Variants in ATF7IP observed in about 807,000 individuals in gnomAD.
ATF7IP encodes the protein activating transcription factor 7-interacting protein 1.
A neutral mutation model predicts 106.4 loss-of-function variants in ATF7IP; 23 were observed. The ratio of observed to expected loss-of-function variants is 0.22; its 90% CI spans 0.16 to 0.31. The LOEUF is 0.31. Among genes scored for constraint, ATF7IP ranks in the 10% least tolerant of loss-of-function variants. The pLI, the probability that ATF7IP is intolerant of heterozygous loss-of-function variation, is 1.00. For missense variants in ATF7IP, 1,334 were observed against 1,524.3 expected (o/e 0.88, Z 2.08); for synonymous variants, 542 against 539.0 (o/e 1.01, Z -0.08).
At chr12:14,421,675 G>C (rs1476099377) in intron 1 of ATF7IP, among the ~76,000 whole-genome samples, 2 of 152,126 alleles carry the variant, frequency 1.3e-5, no homozygotes, top group Non-Finnish European at 2.9e-5. Context: ...ACATTCTGAG[G>C]TACTGGGGCT....
rs757113507 is a variant in ATF7IP, at chr12:14,461,164, A to G, written c.2797+31A>G. 5.7e-6 allele frequency: 9 copies of G among 1,582,512 alleles called. No homozygotes were observed. The Admixed American group carries it at 1.6e-4, about 28-fold the overall frequency. On this transcript the variant is annotated intron_variant, in intron 9 of 14. Coordinates refer to ENST00000261168, the MANE Select transcript of ATF7IP (RefSeq NM_018179.5). Reference sequence around the variant, plus strand: ...TCACCATGTAGGTTTAATACTAGAAATGCAAGCATCTTAATAGCCTTGTAA... The same window carrying G: ...TCACCATGTAGGTTTAATACTAGAAGTGCAAGCATCTTAATAGCCTTGTAA...
chr12:14,434,568 A>G (rs1019715642), intron 3 of ATF7IP, 145 bp downstream of exon 3: 11 of 591,906 alleles, frequency 1.9e-5, no homozygotes, highest in Non-Finnish European at 3.0e-5. Flanking sequence ...GTTGATGGCT[A>G]ACTGAAGGAT....
chr12:14,455,777 G>A (rs1033803795), intron 6 of ATF7IP, among the ~76,000 whole-genome samples: 3 of 151,936 alleles, frequency 2.0e-5, no homozygotes, highest in African/African-American at 7.3e-5. Flanking sequence ...TTTAGAGATG[G>A]GGTTTTGCTA....
intron 1 of ATF7IP, among the ~76,000 whole-genome samples, chr12:14,383,931 T>C (rs1357385461): frequency 6.6e-6 from 1 of 152,174 alleles, no homozygotes; most frequent in Non-Finnish European, 1.5e-5. Context: ...TTAATATGGC[T>C]TGGATCAAGT....
In ATF7IP at chr12:14,478,463, C is replaced by T; in HGVS notation, c.3088C>T (p.Leu1030=). 2 of 1,613,908 alleles carry T rather than the reference C, an allele frequency of 1.2e-6. No homozygotes were observed. The highest frequency in any genetic ancestry group is 1.7e-6 in the Non-Finnish European group (2 of 1,179,864). Residue 1030 remains leucine (L), a synonymous_variant, in exon 12 of 15, where the codon CTA becomes TTA. Coordinates refer to ENST00000261168, the MANE Select transcript of ATF7IP (RefSeq NM_018179.5). ...SGPSQTTIHL[L]PTAPTTVNVT... The stretch of plus-strand genomic sequence containing the variant: ...ACCATCTCAGACCACCATACACTTA[C>T]TACCTACAGGTAAATTTGTTGAATC...
chr12:14,366,510 C>T (rs971927896), intron 1 of ATF7IP, among the ~76,000 whole-genome samples: 1 of 152,176 alleles, frequency 6.6e-6, no homozygotes, highest in Admixed American at 6.5e-5. Context: ...GAAGAAATTA[C>T]AGTATAATCG....
intron 2 of ATF7IP, among the ~76,000 whole-genome samples, chr12:14,430,947 T>C (rs185837499): frequency 1.3e-5 from 2 of 152,344 alleles, no homozygotes; most frequent in East Asian, 3.8e-4. Context: ...ATTGAAAATA[T>C]CTATTTTTTG....
intron 2 of ATF7IP, among the ~76,000 whole-genome samples, chr12:14,428,044 T>C (rs1941945585): frequency 6.6e-6 from 1 of 152,080 alleles, no homozygotes; most frequent in Non-Finnish European, 1.5e-5. Flanking sequence ...AGGTAATAGG[T>C]GACAGTGTTG....
chr12:14,424,521 T>TGATC lies in ATF7IP; in HGVS notation c.607_610dup (p.Pro204ArgfsTer5). 1 of 1,614,202 alleles carries TGATC rather than the reference T, an allele frequency of 6.2e-7. No individual in the cohort carries two copies. Among genetic ancestry groups the TGATC allele is most frequent in the Non-Finnish European group, 8.5e-7 (1 of 1,180,022 alleles). On this transcript the variant is annotated frameshift_variant, in exon 2 of 15. Coordinates refer to ENST00000261168, the MANE Select transcript of ATF7IP (RefSeq NM_018179.5). LOFTEE classifies it high-confidence loss of function. ...CCACTGCTGATGATCTCTCCTCTGG[T>TGATC]GATCCCACCTCTAGTGATCCCATCC...
intron 13 of ATF7IP, among the ~76,000 whole-genome samples, chr12:14,495,250 T>C (rs2136875689): frequency 6.6e-6 from 1 of 151,860 alleles, no homozygotes; most frequent in Middle Eastern, 3.4e-3. Flanking sequence ...CCACCCAGGG[T>C]TAATACTTTG....
At chr12:14,398,088 G>T (rs1939954525) in intron 1 of ATF7IP, among the ~76,000 whole-genome samples, 1 of 152,040 alleles carries the variant, frequency 6.6e-6, no homozygotes, top group Non-Finnish European at 1.5e-5. Flanking sequence ...TATGCTTTGT[G>T]TCTGTCTTCC....
Position 14,500,394 on chromosome 12 carries a change from CA to C in ATF7IP, c.*2324del, listed in dbSNP as rs1945129230. 6.6e-6 allele frequency: 1 copy of C among 152,134 alleles called. No individual in the cohort carries two copies. The highest frequency in any genetic ancestry group is 2.1e-4 in the South Asian group (1 of 4,822). 9.4% of individuals were successfully genotyped at this position (152,134 alleles called of 1,614,324 possible). A position where few individuals can be genotyped will look rare whatever the true frequency, so the allele number is the denominator to read the frequency against. ...GACCACAAAGGAGTATGCTATAAAT[CA>C]AATTTGCCAACCAATTATGTAGATA... On this transcript the variant is annotated 3_prime_UTR_variant, in exon 15 of 15. Transcript: ENST00000261168.
rs1239163418 is a variant in ATF7IP, at chr12:14,457,213, A to G, written c.2076A>G (p.Ala692=). The change falls in exon 8 of 15, where the codon GCA becomes GCG. Residue 692 remains alanine, a synonymous_variant. Coordinates refer to ENST00000261168, the MANE Select transcript of ATF7IP (RefSeq NM_018179.5). ...NSNNNMSYRN[A]GTVRQMLESK... is the part of the protein sequence containing the mutation. ...GTGTATATGTATTTCATAGAAATGC[A>G]GGCACAGTGAGACAGATGCTGGAGT... 7 of 1,612,132 alleles carry G rather than the reference A, an allele frequency of 4.3e-6. No homozygotes were observed. The highest frequency in any genetic ancestry group is 5.9e-6 in the Non-Finnish European group (7 of 1,178,838).
intron 1 of ATF7IP, among the ~76,000 whole-genome samples, chr12:14,391,329 G>A (rs928073676): frequency 3.9e-5 from 6 of 152,218 alleles, no homozygotes; most frequent in African/African-American, 2.4e-5. Flanking sequence ...AGGGAATCTT[G>A]TCTTTCCTTC....
intron 1 of ATF7IP, among the ~76,000 whole-genome samples, chr12:14,400,511 T>G (rs1393696985): frequency 2.6e-5 from 4 of 152,210 alleles, no homozygotes; most frequent in Non-Finnish European, 4.4e-5. Context: ...TCCTGGTATT[T>G]GCACTATTAA....
chr12:14,491,234 T>C (rs760280802), intron 13 of ATF7IP, among the ~76,000 whole-genome samples: 3 of 152,184 alleles, frequency 2.0e-5, no homozygotes, highest in Non-Finnish European at 2.9e-5. Context: ...TCAGGTCACT[T>C]GATAAATGGG....
chr12:14,411,652 C>T (rs1940919578), intron 1 of ATF7IP, among the ~76,000 whole-genome samples: 1 of 151,766 alleles, frequency 6.6e-6, no homozygotes, highest in Non-Finnish European at 1.5e-5. Flanking sequence ...TGAATTGTAA[C>T]AGTTTTTATA....
chr12:14,418,236 A>G (rs2136525876), intron 1 of ATF7IP, among the ~76,000 whole-genome samples: 1 of 152,152 alleles, frequency 6.6e-6, no homozygotes, highest in South Asian at 2.1e-4. Flanking sequence ...TTTATTAGTG[A>G]TATTATTTTC....
chr12:14,497,887 G>A lies in ATF7IP; in HGVS notation c.3627G>A (p.Val1209=). The change falls in exon 15 of 15, where the codon GTG becomes GTA. Residue 1209 remains valine, a synonymous_variant. Coordinates refer to ENST00000261168, the MANE Select transcript of ATF7IP (RefSeq NM_018179.5). ...ACCATGAGGAACCCAGTGCCACTGT[G>A]CCCTCACAATGGAAAAAGATTGGGG... ...YAYHEEPSAT[V]PSQWKKIGEV... 6.2e-7 allele frequency: 1 copy of A among 1,614,146 alleles called. No individual in the cohort carries two copies. Among genetic ancestry groups the A allele is most frequent in the Non-Finnish European group, 8.5e-7 (1 of 1,180,028 alleles).
Sources: allele counts gnomAD v4.1 joint callset (sites outside exome capture counted in the v4.1 genomes callset), GRCh38; gene constraint gnomAD v4.1.1; transcripts MANE v1.5; gene names NCBI Gene and HGNC (gene_info 2026-07-23, HGNC 2026-07-21).